The following SLC2A9 variants were observed in gnomAD, a reference collection of about 807,000 sequenced individuals.
The protein encoded by SLC2A9 is solute carrier family 2 member 9, also known as solute carrier family 2, facilitated glucose transporter member 9.
In SLC2A9, 39 loss-of-function variants were observed where a neutral mutation model predicts 50.6. The observed-to-expected ratio is 0.77, with a 90% CI of 0.60 to 1.01. The LOEUF is 1.01. SLC2A9 is among the 50% of genes least tolerant of loss of function. SLC2A9 has a pLI of 0.00. For synonymous variants in SLC2A9, 324 were observed against 276.9 expected (o/e 1.17, Z -1.69); for missense variants, 686 against 677.6 (o/e 1.01, Z -0.14).
At chr4:9,844,488 G>A (rs922409194) in intron 10 of SLC2A9, among the ~76,000 whole-genome samples, 1 of 152,160 alleles carries the variant, frequency 6.6e-6, no homozygotes, top group Admixed American at 6.5e-5. Flanking sequence ...CATAAGCAAA[G>A]AAATATTCTT....
intron 8 of SLC2A9, among the ~76,000 whole-genome samples, chr4:9,895,585 C>T (rs1738393457): frequency 6.6e-6 from 1 of 152,254 alleles, no homozygotes. Flanking sequence ...ATCCACTCAG[C>T]AGCCATTCAC....
At chr4:9,889,317 A>G (rs964110656) in intron 9 of SLC2A9, among the ~76,000 whole-genome samples, 2 of 152,180 alleles carry the variant, frequency 1.3e-5, no homozygotes, top group African/African-American at 2.4e-5. Flanking sequence ...ACTGGAGGAG[A>G]CAAGGGTGGC....
At chr4:9,962,357 T>C (rs1343988471) in intron 5 of SLC2A9, among the ~76,000 whole-genome samples, 1 of 152,288 alleles carries the variant, frequency 6.6e-6, no homozygotes, top group Admixed American at 6.5e-5. Flanking sequence ...GAAAATGTGG[T>C]ACATATATAC....
chr4:9,891,099 T>C (rs1430533692), intron 8 of SLC2A9, among the ~76,000 whole-genome samples: 1 of 152,132 alleles, frequency 6.6e-6, no homozygotes, highest in African/African-American at 2.4e-5. Context: ...GTGGGTTTCA[T>C]AGGGGTAGGC....
intron 3 of SLC2A9, among the ~76,000 whole-genome samples, chr4:9,811,664 G>A (rs1293251980): frequency 6.6e-6 from 1 of 152,182 alleles, no homozygotes; most frequent in East Asian, 1.9e-4. Flanking sequence ...CCACAGGATT[G>A]CCCAGCTGAG....
intron 6 of SLC2A9, among the ~76,000 whole-genome samples, chr4:9,925,141 C>A (rs1744669467): frequency 6.6e-6 from 1 of 152,212 alleles, no homozygotes; most frequent in Admixed American, 6.5e-5. Context: ...TTCCACATAC[C>A]CCCATGGCCT....
intron 3 of SLC2A9, among the ~76,000 whole-genome samples, chr4:9,818,207 G>A (rs1167032941): frequency 6.7e-6 from 1 of 149,362 alleles, no homozygotes; most frequent in Admixed American, 6.6e-5. Context: ...CTGACACGCT[G>A]TATGGGGCCA....
downstream of SLC2A9, among the ~76,000 whole-genome samples, chr4:9,775,020 C>G (rs573795073): frequency 7.2e-5 from 11 of 152,292 alleles, no homozygotes; most frequent in African/African-American, 2.4e-4. Context: ...TGCTTGCACA[C>G]CTCGGTGGAC....
chr4:9,777,755 C>T (rs370995440), downstream of SLC2A9, among the ~76,000 whole-genome samples: 24 of 152,260 alleles, frequency 1.6e-4, no homozygotes, highest in Non-Finnish European at 2.5e-4. Context: ...GAGGGCCAGG[C>T]GGTGATGTGA....
chr4:9,909,717 C>T (rs900327446), intron 7 of SLC2A9, among the ~76,000 whole-genome samples: 6 of 152,202 alleles, frequency 3.9e-5, no homozygotes, highest in Admixed American at 1.3e-4. Context: ...CTGGGTTCTC[C>T]CCATCCCAGC....
intron 6 of SLC2A9, among the ~76,000 whole-genome samples, chr4:9,938,538 T>C (rs536715266): frequency 6.6e-6 from 1 of 152,312 alleles, no homozygotes; most frequent in East Asian, 1.9e-4. Flanking sequence ...CCCAAAGTGC[T>C]GGGATTACAG....
downstream of SLC2A9, among the ~76,000 whole-genome samples, chr4:9,797,810 G>T (rs1438792926): frequency 1.3e-5 from 2 of 152,002 alleles, no homozygotes; most frequent in Middle Eastern, 3.4e-3. Context: ...TTATTTTTTT[G>T]AAACAGGGTC....
chr4:9,787,971 G>A (rs1348531831), intron 3 of SLC2A9, among the ~76,000 whole-genome samples: 1 of 152,132 alleles, frequency 6.6e-6, no homozygotes, highest in African/African-American at 2.4e-5. Flanking sequence ...GAAATACTTT[G>A]AGACTATGAA....
At chr4:9,827,462 C>T (rs6837273) in intron 11 of SLC2A9, among the ~76,000 whole-genome samples, 23,111 of 152,232 alleles carry the variant, frequency 0.15, 2,296 homozygotes, top group African/African-American at 0.28. Flanking sequence ...TAAGGTGACA[C>T]TGTCTTTGAA....
At chr4:9,913,303 T>TGTGTG (rs1742189551) in intron 7 of SLC2A9, among the ~76,000 whole-genome samples, 1 of 142,118 alleles carries the variant, frequency 7.0e-6, no homozygotes, top group Non-Finnish European at 1.5e-5. Context: ...TCCTGTGTGT[T>TGTGTG]TGTGTGTGTG....
At position 10,018,982 on chromosome 4, in the gene SLC2A9, G is replaced by T. The variant is rs1302651184; in HGVS notation, c.242C>A (p.Pro81His). 1.9e-6 allele frequency: 3 copies of T among 1,549,838 alleles called. No individual in the cohort carries two copies. The Admixed American group carries it at 5.9e-5, about 30-fold the overall frequency. Residue 81 changes from proline (P) to histidine (H), a missense_variant, in exon 2 of 12, where the codon CCC becomes CAC. Transcript: ENST00000264784. ...YGYNLSVVNA[P>H]TPYIKAFYNE... is the part of the protein sequence containing the mutation. ...GCCTTGGCGCGCACTCACCGGGGTG[G>T]GGGCATTCACCACCGACAGGTTGTA...
chr4:9,962,371 G>T (rs1394845169), intron 5 of SLC2A9, among the ~76,000 whole-genome samples: 1 of 152,194 alleles, frequency 6.6e-6, no homozygotes, highest in Non-Finnish European at 1.5e-5. Flanking sequence ...TATATACTAT[G>T]GAATACTATG....
intron 5 of SLC2A9, among the ~76,000 whole-genome samples, chr4:9,942,745 G>A (rs1007940779): frequency 3.3e-5 from 5 of 152,202 alleles, no homozygotes; most frequent in African/African-American, 7.2e-5. Context: ...CACACGTTAC[G>A]ATGCCCATCA....
intron 2 of SLC2A9, among the ~76,000 whole-genome samples, chr4:9,999,412 G>A (rs755693627): frequency 3.3e-5 from 5 of 152,044 alleles, no homozygotes; most frequent in Non-Finnish European, 7.4e-5. Context: ...GGGCACACAA[G>A]CATAATGCAT....
Sources: gnomAD v4.1 joint callset for allele counts (sites outside exome capture counted in the v4.1 genomes callset) on GRCh38, gnomAD v4.1.1 for gene constraint, MANE v1.5 for transcripts, NCBI Gene and HGNC (gene_info 2026-07-23, HGNC 2026-07-21) for gene names.